Variants in ECH1 observed in about 807,000 individuals in gnomAD.
ECH1 encodes enoyl-CoA hydratase 1, also known as delta(3,5)-Delta(2,4)-dienoyl-CoA isomerase, mitochondrial.
Under a neutral mutation model 37.0 loss-of-function variants are expected in ECH1, and 30 were observed. The observed-to-expected ratio is 0.81, with a 90% CI of 0.61 to 1.10. The LOEUF (loss-of-function observed/expected upper bound fraction) is 1.10, where lower values mean the gene tolerates loss of function less well. Ranked by LOEUF, ECH1 falls within the 50% of genes least tolerant of loss-of-function variation. ECH1 has a pLI of 0.00. For missense variants in ECH1, 456 were observed against 441.6 expected, an observed-to-expected ratio of 1.03 and a Z score of -0.29; for synonymous variants, 178 against 176.0, an observed-to-expected ratio of 1.01 and a Z score of -0.09.
In ECH1 at chr19:38,817,342, G is replaced by T. The variant is rs1220445627; in HGVS notation, c.497C>A (p.Ala166Asp). Residue 166 changes from alanine (A) to aspartate (D), a missense_variant, in exon 5 of 10, where the codon GCC (alanine) becomes GAC (aspartate). Coordinates refer to ENST00000221418, the MANE Select transcript of ECH1 (RefSeq NM_001398.3). ...TCCGCCAATGCAGCCCCCATGGACG[G>T]CAGCAATCACGGGCTTGGGGCACTG... ...IERCPKPVIA[A>D]VHGGCIGGGV... 6.3e-7 allele frequency: 1 copy of T among 1,581,806 alleles called. No homozygotes were observed. The highest frequency in any genetic ancestry group is 8.6e-7 in the Non-Finnish European group (1 of 1,162,670).
chr19:38,818,151 C>T, intron 3 of ECH1: 1 of 883,212 alleles, frequency 1.1e-6, no homozygotes, highest in Non-Finnish European at 1.4e-6. Flanking sequence ...AGCCACCATG[C>T]CGCATCAGAA....
At chr19:38,827,317 A>G (rs535001273) in intron 3 of ECH1, among the ~76,000 whole-genome samples, 1 of 149,248 alleles carries the variant, frequency 6.7e-6, no homozygotes, top group African/African-American at 2.6e-5. Flanking sequence ...AGTGTATGAA[A>G]TATTTTGCTT....
At chr19:38,830,566 C>T (rs1360619834) in intron 3 of ECH1, among the ~76,000 whole-genome samples, 7 of 150,666 alleles carry the variant, frequency 4.6e-5, no homozygotes, top group Non-Finnish European at 7.4e-5. Context: ...GGGAGAATCG[C>T]TTGACCTCAG....
chr19:38,817,626 T>A, intron 3 of ECH1, 51 bp from the exon 4 acceptor site: 1 of 1,540,794 alleles, frequency 6.5e-7, no homozygotes, highest in Non-Finnish European at 8.8e-7. Context: ...CCCCACCCAT[T>A]GACTCAACCA....
In ECH1 at chr19:38,816,811, C is replaced by T. The variant is rs944896246; in HGVS notation, c.588+254G>A. 22 of 621,588 alleles carry T rather than the reference C, an allele frequency of 3.5e-5. No homozygotes were observed. In the Admixed American group the frequency reaches 4.9e-4, roughly 14 times the overall value. The allele number at this position is 621,588 out of a possible 1,614,324, so 38.5% of individuals were successfully genotyped here. A position where few individuals can be genotyped will look rare whatever the true frequency, so the allele number is the denominator to read the frequency against. ...CCTACCTGAGACCCCTTTACTGCAT[C>T]CCCCGGCTCCATCCTGCCTCCCACC... On this transcript the variant is annotated intron_variant, in intron 6 of 9. Transcript: ENST00000221418.
rs1971568837 is a variant in ECH1 at position 38,815,963 on chromosome 19, G to A, written c.776C>T (p.Ala259Val). The A allele has an allele frequency of 1.9e-6, 3 of 1,614,060 alleles. No homozygotes were observed. Among genetic ancestry groups the A allele is most frequent in the Non-Finnish European group, 2.5e-6 (3 of 1,180,036 alleles). ...CTTGCTGGAAATCTCGGCCGCCAGC[G>A]CTAAGGCAGCATCCAGCATGACCTC... ...DKEVMLDAAL[A>V]LAAEISSKSP... Residue 259 changes from alanine (A) to valine (V), a missense_variant, in exon 9 of 10, where the codon GCG (alanine) becomes GTG (valine). Physicochemically the swap from Ala to Val is moderately conservative, Grantham distance 64. Coordinates refer to ENST00000221418, the MANE Select transcript of ECH1 (RefSeq NM_001398.3).
intron 3 of ECH1, chr19:38,817,883 C>T (rs561586432): frequency 2.6e-6 from 1 of 385,142 alleles, no homozygotes; most frequent in Non-Finnish European, 3.6e-6. Flanking sequence ...AAGGGGGTCA[C>T]ACTGGCTGGT....
At chr19:38,821,856 A>G (rs10853721) in intron 3 of ECH1, among the ~76,000 whole-genome samples, 29,983 of 152,168 alleles carry the variant, frequency 0.2, 3,677 homozygotes, top group African/African-American at 0.35. Context: ...TGGTCCCATC[A>G]ACTGCCCAAG....
At chr19:38,816,692 G>A (rs561961293) in intron 6 of ECH1, among the ~76,000 whole-genome samples, 169 bp from the exon 7 acceptor site, 1 of 152,130 alleles carries the variant, frequency 6.6e-6, no homozygotes, top group Non-Finnish European at 1.5e-5. Context: ...ACTCAGGCAA[G>A]TTCCTTCAAC....
rs761094701 is a variant in ECH1 at position 38,831,635 on chromosome 19, G to C, written c.52+86C>G. ...TGAATTTAGGGGACTCGGGCCCTTC[G>C]TGACCCCGGATAGCCCTCCCCGTCC... On this transcript the variant is annotated intron_variant, in intron 1 of 9. Coordinates refer to ENST00000221418, the MANE Select transcript of ECH1 (RefSeq NM_001398.3). The C allele has an allele frequency of 3.0e-5, 48 of 1,584,716 alleles. No homozygotes were observed. The Middle Eastern group carries it at 6.6e-4, about 22-fold the overall frequency.
At chr19:38,822,878 C>G (rs1275888714) in intron 3 of ECH1, 3 of 152,804 alleles carry the variant, frequency 2.0e-5, no homozygotes. Flanking sequence ...TATGGAAGCT[C>G]TGTTCTTTTG....
At chr19:38,831,681 G>C in intron 1 of ECH1, 40 bp downstream of exon 1, 2 of 1,612,058 alleles carry the variant, frequency 1.2e-6, no homozygotes, top group Non-Finnish European at 1.7e-6. Flanking sequence ...ATAACAGCAC[G>C]ACAGCGCGAC....
Position 38,817,492 on chromosome 19 carries a change from T to A in ECH1, c.433A>T (p.Ile145Phe), listed in dbSNP as rs766026728. 1.9e-5 allele frequency: 31 copies of A among 1,613,764 alleles called. No individual in the cohort carries two copies. The East Asian group carries it at 6.7e-4, about 35-fold the overall frequency. Residue 145 changes from isoleucine to phenylalanine, a missense_variant, in exon 4 of 10, where the codon ATC (isoleucine) becomes TTC (phenylalanine). Ile to Phe is a conservative substitution (Grantham distance 21, BLOSUM62 0). Transcript: ENST00000221418. ...AAGGTCTCCTGGTATCGAGTGATGA[T>A]GTCACGGAGGTACCAGCTGATCCGG... Reference protein sequence around the residue: ...VARISWYLRDIITRYQETFNV... With the variant: ...VARISWYLRDFITRYQETFNV...
At position 38,829,589 on chromosome 19, in the gene ECH1, G is replaced by A. The variant is rs144072215; in HGVS notation, c.349+1489C>T. Among the ~76,000 whole-genome samples, 29 of 152,150 alleles carry A rather than the reference G, an allele frequency of 1.9e-4. No homozygotes were observed. The East Asian group carries it at 4.6e-3, about 24-fold the overall frequency. On this transcript the variant is annotated intron_variant, in intron 3 of 9. Coordinates refer to ENST00000221418, the MANE Select transcript of ECH1 (RefSeq NM_001398.3). ...TCTCAGCACTTTTGGAGGCCGAGGC[G>A]GGCAGATCACGAGGTCAGGAGATCG... is the stretch of plus-strand genomic sequence containing the variant.
At chr19:38,823,642 C>T (rs942058673) in intron 3 of ECH1, among the ~76,000 whole-genome samples, 1 of 152,234 alleles carries the variant, frequency 6.6e-6, no homozygotes, top group African/African-American at 2.4e-5. Flanking sequence ...AGCCGAGGGT[C>T]GACAGAGAGG....
At chr19:38,816,161 G>A in intron 8 of ECH1, 123 bp downstream of exon 8, 1 of 1,479,248 alleles carries the variant, frequency 6.8e-7, no homozygotes, top group Non-Finnish European at 9.1e-7. Flanking sequence ...ATAAAGAAAT[G>A]AGCTCACCAA....
At chr19:38,819,008 T>TGTGTGTGTGTGTGCGC (rs371773394) in intron 3 of ECH1, 56 of 324,378 alleles carry the variant, frequency 1.7e-4, no homozygotes, top group African/African-American at 1.3e-3. Flanking sequence ...TGTGTGTGTG[T>TGTGTGTGTGTGTGCGC]GCGGGCACGT....
At chr19:38,816,927 C>T (rs1971585296) in intron 6 of ECH1, 138 bp downstream of exon 6, 1 of 1,014,372 alleles carries the variant, frequency 9.9e-7, no homozygotes, top group African/African-American at 1.6e-5. Context: ...AACTTCACCT[C>T]TTGACTTCCT....
rs144733422 is a variant in ECH1, at chr19:38,818,932, T to TGTGTGTGCGCGCGCGCGCAC, written c.350-1358_350-1357insGTGCGCGCGCGCGCACACAC. On this transcript the variant is annotated intron_variant, in intron 3 of 9. Transcript: ENST00000221418. ...GTGTGTGTGTGTGTGTGTGTGTGTGTGCACTGTTCCCAACCTGTTACTTTG... is the reference window on the plus strand; with the variant it reads ...GTGTGTGTGTGTGTGTGTGTGTGTGTGTGTGTGCGCGCGCGCGCACGCACTGTTCCCAACCTGTTACTTTG... Among the ~76,000 whole-genome samples the TGTGTGTGCGCGCGCGCGCAC allele has an allele frequency of 3.8e-4, 55 of 142,858 alleles. 1 individual carries two copies. Among genetic ancestry groups the TGTGTGTGCGCGCGCGCGCAC allele is most frequent in the Non-Finnish European group, 7.8e-4 (51 of 65,106 alleles). The allele number at this position is 142,858 out of a possible 152,430, so 93.7% of individuals were successfully genotyped here. A position where few individuals can be genotyped will look rare whatever the true frequency, so the allele number is the denominator to read the frequency against.
Sources: gnomAD v4.1 joint callset for allele counts (sites outside exome capture counted in the v4.1 genomes callset) on GRCh38, gnomAD v4.1.1 for gene constraint, MANE v1.5 for transcripts, NCBI Gene and HGNC (gene_info 2026-07-23, HGNC 2026-07-21) for gene names.